Variants in CADPS2 observed in about 807,000 individuals in gnomAD.
The protein encoded by CADPS2 is calcium-dependent secretion activator 2.
Under a neutral mutation model 172.5 loss-of-function variants are expected in CADPS2, and 93 were observed. That is an observed-to-expected ratio of 0.54 (90% confidence interval 0.46 to 0.64). The LOEUF (loss-of-function observed/expected upper bound fraction) is 0.64. Ranked by LOEUF, CADPS2 falls within the 30% of genes least tolerant of loss-of-function variation. CADPS2 has a pLI of 0.00. For synonymous variants in CADPS2, 546 were observed against 555.2 expected (o/e 0.98, Z 0.23); for missense variants, 1,420 against 1,565.9 (o/e 0.91, Z 1.57).
intron 17 of CADPS2, among the ~76,000 whole-genome samples, chr7:122,426,696 C>A (rs531936197): frequency 1.7e-3 from 252 of 152,242 alleles, no homozygotes; most frequent in Non-Finnish European, 3.1e-3. Context: ...CTCAGATTAA[C>A]AAGGTGCCAT....
chr7:122,544,934 TAATC>T (rs2063472203), intron 8 of CADPS2, among the ~76,000 whole-genome samples: 1 of 152,106 alleles, frequency 6.6e-6, no homozygotes, highest in Non-Finnish European at 1.5e-5. Context: ...CTGGCTGACT[TAATC>T]AAAAATTTTA....
At chr7:122,797,677 G>GAC (rs1202924566) in intron 1 of CADPS2, among the ~76,000 whole-genome samples, 3 of 141,172 alleles carry the variant, frequency 2.1e-5, no homozygotes, top group East Asian at 2.0e-4. Flanking sequence ...GGGAATGATG[G>GAC]ACACAGACGG....
At chr7:122,377,735 T>C (rs930753217) in intron 25 of CADPS2, among the ~76,000 whole-genome samples, 1 of 152,106 alleles carries the variant, frequency 6.6e-6, no homozygotes, top group Non-Finnish European at 1.5e-5. Context: ...CTTCCCCCCA[T>C]GGTTTTCCTA....
intron 2 of CADPS2, among the ~76,000 whole-genome samples, chr7:122,715,608 G>A (rs551582020): frequency 1.3e-5 from 2 of 152,070 alleles, no homozygotes; most frequent in South Asian, 4.2e-4. Flanking sequence ...CCTGTAAAAC[G>A]AAAGCTGCTT....
In CADPS2 at chr7:122,527,617, AGTGTGTGT is replaced by A. The variant is rs59653845; in HGVS notation, c.1476-14310_1476-14303del. On this transcript the variant is annotated intron_variant, in intron 8 of 29. Coordinates refer to ENST00000449022, the MANE Select transcript of CADPS2 (RefSeq NM_017954.11). ...GAGAGAGAGAGAGAGAGAGAGAGAGAGTGTGTGTGTGTGTGTGTGTGTGTGTGTGTGTG... is the reference window on the plus strand; with the variant it reads ...GAGAGAGAGAGAGAGAGAGAGAGAGAGTGTGTGTGTGTGTGTGTGTGTGTG... Among the ~76,000 whole-genome samples the A allele has an allele frequency of 5.3e-3, 441 of 83,780 alleles. 3 individuals carry two copies. The highest frequency in any genetic ancestry group is 0.011 in the African/African-American group (279 of 24,322). 55.0% of individuals were successfully genotyped at this position (83,780 alleles called of 152,430 possible).
intron 27 of CADPS2, among the ~76,000 whole-genome samples, chr7:122,354,037 T>C (rs541173918): frequency 6.6e-6 from 1 of 152,060 alleles, no homozygotes; most frequent in Non-Finnish European, 1.5e-5. Context: ...CCAGATCCCA[T>C]TAACTAGCCT....
chr7:122,717,482 C>T (rs1427857323), intron 2 of CADPS2, among the ~76,000 whole-genome samples: 2 of 152,114 alleles, frequency 1.3e-5, no homozygotes, highest in Non-Finnish European at 2.9e-5. Context: ...ACACAACTTA[C>T]ATATGATACT....
intron 20 of CADPS2, 63 bp downstream of exon 20, chr7:122,407,477 T>A: frequency 6.6e-7 from 1 of 1,524,630 alleles, no homozygotes; most frequent in Non-Finnish European, 8.9e-7. Context: ...TAAAAATACA[T>A]TCACATTCAA....
At chr7:122,536,875 T>C (rs2062342412) in intron 8 of CADPS2, among the ~76,000 whole-genome samples, 1 of 152,022 alleles carries the variant, frequency 6.6e-6, no homozygotes. Flanking sequence ...AAATAATTCA[T>C]TGATGATAGT....
chr7:122,582,328 T>C (rs2068947327), intron 6 of CADPS2, among the ~76,000 whole-genome samples: 1 of 151,982 alleles, frequency 6.6e-6, no homozygotes, highest in Non-Finnish European at 1.5e-5. Flanking sequence ...GAACAAATAA[T>C]TGTGATTGCC....
intron 3 of CADPS2, among the ~76,000 whole-genome samples, chr7:122,654,694 T>C (rs10263672): frequency 0.01 from 1,593 of 152,322 alleles, 25 homozygotes; most frequent in African/African-American, 0.036. Context: ...AAGATTCACA[T>C]TGATTTCATG....
chr7:122,808,137 A>G (rs2140105571), intron 1 of CADPS2, among the ~76,000 whole-genome samples: 1 of 152,276 alleles, frequency 6.6e-6, no homozygotes, highest in Admixed American at 6.5e-5. Context: ...AAGTCTTGGT[A>G]CTAGGAGTGC....
At position 122,497,532 on chromosome 7, in the gene CADPS2, T is replaced by C. The variant is rs979345257; in HGVS notation, c.1543-6112A>G. Among the ~76,000 whole-genome samples the C allele has an allele frequency of 9.2e-5, 14 of 152,210 alleles. 1 individual carries two copies. The highest frequency in any genetic ancestry group is 7.3e-5 in the Non-Finnish European group (5 of 68,038). ...GGAAACTTTGAGTGCTTTACTTCCA[T>C]TACCCATTCCCATCTGTTAACTCAG... is the stretch of plus-strand genomic sequence containing the variant. On this transcript the variant is annotated intron_variant, in intron 9 of 29. Coordinates refer to ENST00000449022, the MANE Select transcript of CADPS2 (RefSeq NM_017954.11).
intron 29 of CADPS2, among the ~76,000 whole-genome samples, chr7:122,322,631 T>C (rs911231774): frequency 2.0e-5 from 3 of 152,328 alleles, no homozygotes; most frequent in South Asian, 4.1e-4. Flanking sequence ...AACACAACCA[T>C]TTTGACTATT....
intron 8 of CADPS2, among the ~76,000 whole-genome samples, chr7:122,551,541 T>C (rs1285646470): frequency 6.6e-6 from 1 of 152,064 alleles, no homozygotes. Context: ...GCAAGAAAGA[T>C]CTATTTGACG....
intron 1 of CADPS2, among the ~76,000 whole-genome samples, chr7:122,834,631 A>G (rs115082674): frequency 0.015 from 2,299 of 152,268 alleles, 56 homozygotes; most frequent in African/African-American, 0.053. Context: ...GCATACCAGG[A>G]GATTATATAC....
At chr7:122,321,324 G>C (rs748900896) in intron 29 of CADPS2, among the ~76,000 whole-genome samples, 1 of 152,028 alleles carries the variant, frequency 6.6e-6, no homozygotes, top group South Asian at 2.1e-4. Context: ...GTGCTACTGC[G>C]CTCGGCTAAC....
chr7:122,842,290 C>T (rs567077392), intron 1 of CADPS2, among the ~76,000 whole-genome samples: 18 of 152,204 alleles, frequency 1.2e-4, no homozygotes, highest in South Asian at 8.3e-4. Flanking sequence ...GAAAGCAGGA[C>T]GGAGGAGGGT....
Position 122,507,761 on chromosome 7 carries a change from G to C in CADPS2, c.1542+5488C>G, listed in dbSNP as rs2130694594. Among the ~76,000 whole-genome samples the C allele has an allele frequency of 1.3e-5, 2 of 152,270 alleles. 1 individual carries two copies. The highest frequency in any genetic ancestry group is 4.1e-4 in the South Asian group (2 of 4,822). ...GAGAACAGCTAGGATGCTATTGTAG[G>C]AATCCATGTGATGATGGTGGTTTCA... On this transcript the variant is annotated intron_variant, in intron 9 of 29. Coordinates refer to ENST00000449022, the MANE Select transcript of CADPS2 (RefSeq NM_017954.11).
Sources: gnomAD v4.1 joint callset for allele counts (sites outside exome capture counted in the v4.1 genomes callset) on GRCh38, gnomAD v4.1.1 for gene constraint, MANE v1.5 for transcripts, NCBI Gene and HGNC (gene_info 2026-07-23, HGNC 2026-07-21) for gene names.